CAST: variants seen among roughly 807,000 people sequenced by gnomAD.
CAST encodes the protein calpastatin.
A neutral mutation model predicts 119.6 loss-of-function variants in CAST; 76 were observed. The observed-to-expected ratio is 0.64, with a 90% CI of 0.53 to 0.77. The LOEUF (loss-of-function observed/expected upper bound fraction) is 0.77, where lower values mean the gene tolerates loss of function less well. CAST is among the 30% of genes least tolerant of loss of function. The pLI is 0.00. For synonymous variants in CAST, 319 were observed against 331.6 expected (o/e 0.96, Z 0.41); for missense variants, 953 against 946.5 (o/e 1.01, Z -0.09).
chr5:96,177,488 A>G, the CAST span, among the ~76,000 whole-genome samples: 1 of 152,202 alleles, frequency 6.6e-6, no homozygotes, highest in East Asian at 1.9e-4. Flanking sequence ...AGACTCTGCC[A>G]GGATCAACCC....
chr5:96,390,598 G>A, the CAST span: 1 of 152,496 alleles, frequency 6.6e-6, no homozygotes, highest in African/African-American at 2.4e-5. Context: ...ATTTTATTGG[G>A]TGAAACTTTC....
chr5:96,151,605 C>G, the CAST span, among the ~76,000 whole-genome samples: 1 of 152,184 alleles, frequency 6.6e-6, no homozygotes, highest in Non-Finnish European at 1.5e-5. Context: ...AATGAATGAG[C>G]AGGAGTCAGC....
chr5:95,994,117 A>G, the CAST span, among the ~76,000 whole-genome samples: 1 of 152,174 alleles, frequency 6.6e-6, no homozygotes, highest in Non-Finnish European at 1.5e-5. Context: ...GATACTGTCC[A>G]TAGTAAGCAT....
At chr5:96,288,572 AAAT>A in the CAST span, among the ~76,000 whole-genome samples, 3 of 152,226 alleles carry the variant, frequency 2.0e-5, no homozygotes, top group Non-Finnish European at 2.9e-5. Context: ...AAATGTACAA[AAAT>A]AATAATTCTG....
the CAST span, among the ~76,000 whole-genome samples, chr5:96,062,816 T>C: frequency 2.4e-4 from 36 of 152,112 alleles, no homozygotes; most frequent in Non-Finnish European, 4.4e-4. Context: ...ATAGAAGTCA[T>C]GGACTGAGAA....
chr5:96,114,476 G>A, the CAST span, among the ~76,000 whole-genome samples: 1 of 152,052 alleles, frequency 6.6e-6, no homozygotes, highest in Non-Finnish European at 1.5e-5. Context: ...GTGAATATAG[G>A]AAACTCGTGA....
the CAST span, among the ~76,000 whole-genome samples, chr5:96,049,888 G>GA: frequency 1.0e-4 from 1 of 9,708 alleles, no homozygotes; most frequent in East Asian, 5.3e-3. Context: ...AGAACAGGAG[G>GA]CAAAAAAAAA....
intron 1 of CAST, among the ~76,000 whole-genome samples, chr5:96,633,431 T>C (rs1747847186): frequency 6.6e-6 from 1 of 152,260 alleles, no homozygotes; most frequent in East Asian, 1.9e-4. Context: ...AGTTCTTTTG[T>C]TAAATATTTT....
At chr5:96,068,492 T>C in the CAST span, among the ~76,000 whole-genome samples, 1,437 of 152,026 alleles carry the variant, frequency 9.5e-3, 28 homozygotes, top group African/African-American at 0.032. Context: ...CATCCATTCA[T>C]GGAGCAGTTA....
the CAST span, among the ~76,000 whole-genome samples, chr5:96,274,820 G>A: frequency 7.2e-5 from 11 of 152,126 alleles, no homozygotes; most frequent in Non-Finnish European, 1.5e-5. Context: ...TCATTCTGTC[G>A]TGGAAATGCC....
the CAST span, among the ~76,000 whole-genome samples, chr5:96,410,437 A>G: frequency 6.6e-6 from 1 of 151,880 alleles, no homozygotes; most frequent in South Asian, 2.1e-4. Flanking sequence ...AGCCCCTACA[A>G]CCCTGAGATC....
At chr5:96,399,668 T>C in the CAST span, among the ~76,000 whole-genome samples, 1 of 152,138 alleles carries the variant, frequency 6.6e-6, no homozygotes, top group South Asian at 2.1e-4. Context: ...ATCTTAAAAC[T>C]GATGGGTGGT....
chr5:96,527,220 T>C (rs796942413), upstream of CAST, among the ~76,000 whole-genome samples: 3 of 152,270 alleles, frequency 2.0e-5, no homozygotes, highest in African/African-American at 7.2e-5. Context: ...ATTATCAAGG[T>C]GAGATTCAAC....
At chr5:96,229,555 T>C in the CAST span, among the ~76,000 whole-genome samples, 6 of 152,186 alleles carry the variant, frequency 3.9e-5, no homozygotes, top group Non-Finnish European at 8.8e-5. Flanking sequence ...ACAACAGTAC[T>C]GCAGGAGTGT....
chr5:96,534,847 A>AGGAG (rs757391528), intron 1 of CAST, among the ~76,000 whole-genome samples: 88 of 129,756 alleles, frequency 6.8e-4, no homozygotes, highest in Non-Finnish European at 1.3e-3. Flanking sequence ...GAAGGAAGGA[A>AGGAG]GGAGGGAGGG....
the CAST span, among the ~76,000 whole-genome samples, chr5:96,519,750 G>A: frequency 2.6e-4 from 39 of 151,994 alleles, no homozygotes; most frequent in Non-Finnish European, 3.7e-4. Flanking sequence ...GGGACTACAG[G>A]TGCTCGTGAT....
At chr5:96,742,546 C>A in intron 15 of CAST, 109 bp from the exon 16 acceptor site, 1 of 745,694 alleles carries the variant, frequency 1.3e-6, no homozygotes, top group Non-Finnish European at 2.3e-6. Flanking sequence ...AGCACTTCCC[C>A]AATCCATATT....
At chr5:96,531,582 T>G (rs1193168207) in intron 1 of CAST, among the ~76,000 whole-genome samples, 1 of 152,216 alleles carries the variant, frequency 6.6e-6, no homozygotes, top group Non-Finnish European at 1.5e-5. Context: ...TTCAATTAAC[T>G]TTTTAGTGTC....
intron 1 of CAST, among the ~76,000 whole-genome samples, chr5:96,552,837 A>C (rs62365742): frequency 0.013 from 1,952 of 152,344 alleles, 23 homozygotes; most frequent in Non-Finnish European, 0.021. Flanking sequence ...CTGGACACAT[A>C]CACCCTCCCA....
Sources: allele counts gnomAD v4.1 joint callset (sites outside exome capture counted in the v4.1 genomes callset), GRCh38; gene constraint gnomAD v4.1.1; transcripts MANE v1.5; gene names NCBI Gene and HGNC (gene_info 2026-07-23, HGNC 2026-07-21).